GPATCH2: variants seen among roughly 807,000 people sequenced by gnomAD.
GPATCH2 encodes the protein G patch domain-containing protein 2.
Under a neutral mutation model 58.0 loss-of-function variants are expected in GPATCH2, and 51 were observed. The observed-to-expected ratio is 0.88, with a 90% CI of 0.70 to 1.11. GPATCH2 has a LOEUF of 1.11. Ranked by LOEUF, GPATCH2 falls within the 50% of genes most tolerant of loss-of-function variation. GPATCH2 has a pLI of 0.00. For synonymous variants in GPATCH2, 222 were observed against 218.5 expected (o/e 1.02, Z -0.14); for missense variants, 625 against 652.2 (o/e 0.96, Z 0.45).
At chr1:217,470,148 G>A (rs986191552) in intron 8 of GPATCH2, among the ~76,000 whole-genome samples, 5 of 152,150 alleles carry the variant, frequency 3.3e-5, no homozygotes, top group African/African-American at 1.2e-4. Context: ...TTTAATCACA[G>A]GACCAATTTG....
intron 5 of GPATCH2, among the ~76,000 whole-genome samples, chr1:217,565,469 C>T (rs1485883110): frequency 6.6e-6 from 1 of 152,132 alleles, no homozygotes; most frequent in South Asian, 2.1e-4. Flanking sequence ...TTTTATTTCA[C>T]TTATCATAAT....
chr1:217,607,190 A>G (rs370414009), intron 5 of GPATCH2, among the ~76,000 whole-genome samples: 4 of 152,308 alleles, frequency 2.6e-5, no homozygotes, highest in African/African-American at 9.6e-5. Context: ...CAATACTCAC[A>G]ATTTCTGACT....
rs527721242 is a variant in GPATCH2, at chr1:217,487,676, C to T, written c.1277+4004G>A. Among the ~76,000 whole-genome samples, 19 of 152,200 alleles carry T rather than the reference C, an allele frequency of 1.2e-4. No individual in the cohort carries two copies. The Middle Eastern group carries it at 0.01, about 82-fold the overall frequency. On this transcript the variant is annotated intron_variant, in intron 8 of 9. Coordinates refer to ENST00000366935, the MANE Select transcript of GPATCH2 (RefSeq NM_018040.5). ...CCTGACCTCAGGTGTCCGCCCACCTCGGCCTCCCAAAGTGCTGGGATTGCA... is the reference window on the plus strand; with the variant it reads ...CCTGACCTCAGGTGTCCGCCCACCTTGGCCTCCCAAAGTGCTGGGATTGCA...
intron 5 of GPATCH2, among the ~76,000 whole-genome samples, chr1:217,571,433 G>A (rs1354888645): frequency 1.3e-5 from 2 of 151,690 alleles, no homozygotes; most frequent in Non-Finnish European, 2.9e-5. Context: ...AATATAACTT[G>A]TGTTCCCAGA....
At chr1:217,434,925 A>G (rs915827601) in intron 9 of GPATCH2, among the ~76,000 whole-genome samples, 2 of 152,158 alleles carry the variant, frequency 1.3e-5, no homozygotes, top group African/African-American at 4.8e-5. Flanking sequence ...ACATAAAACA[A>G]AGCATTATCT....
At chr1:217,625,201 A>C (rs1480500233) in intron 1 of GPATCH2, among the ~76,000 whole-genome samples, 3 of 152,230 alleles carry the variant, frequency 2.0e-5, no homozygotes, top group African/African-American at 7.2e-5. Flanking sequence ...GATCTATTCT[A>C]ATAAATTCAG....
intron 5 of GPATCH2, among the ~76,000 whole-genome samples, chr1:217,515,815 A>C (rs1224657686): frequency 6.6e-6 from 1 of 151,802 alleles, no homozygotes; most frequent in Non-Finnish European, 1.5e-5. Context: ...AAAAAGTTTA[A>C]TTAGATCAGT....
chr1:217,484,574 A>ATATATATATC (rs1047777960), intron 8 of GPATCH2, among the ~76,000 whole-genome samples: 1 of 146,958 alleles, frequency 6.8e-6, no homozygotes, highest in Non-Finnish European at 1.5e-5. Context: ...ATATATATAT[A>ATATATATATC]TATGATGCAC....
At chr1:217,443,087 A>C (rs1312951049) in intron 9 of GPATCH2, among the ~76,000 whole-genome samples, 1 of 152,190 alleles carries the variant, frequency 6.6e-6, no homozygotes, top group Non-Finnish European at 1.5e-5. Flanking sequence ...AATCATCTAC[A>C]TGGTCACTGT....
intron 5 of GPATCH2, among the ~76,000 whole-genome samples, chr1:217,578,516 A>T (rs1048508211): frequency 6.6e-6 from 1 of 152,154 alleles, no homozygotes; most frequent in African/African-American, 2.4e-5. Flanking sequence ...TATCCTAAAG[A>T]GCTGAGAGTA....
At chr1:217,592,832 A>T (rs1667654363) in intron 5 of GPATCH2, among the ~76,000 whole-genome samples, 1 of 151,820 alleles carries the variant, frequency 6.6e-6, no homozygotes, top group Non-Finnish European at 1.5e-5. Flanking sequence ...ATAAAAGCAG[A>T]CTCCCATTCT....
intron 8 of GPATCH2, among the ~76,000 whole-genome samples, chr1:217,470,524 A>T (rs1360089824): frequency 6.6e-6 from 1 of 152,150 alleles, no homozygotes; most frequent in Non-Finnish European, 1.5e-5. Flanking sequence ...ACCCTCCAAA[A>T]TTCTAAGTGG....
rs1370235930 is a variant in GPATCH2, at chr1:217,524,073, G to A, written c.1099-9184C>T. On this transcript the variant is annotated intron_variant, in intron 5 of 9. Transcript: ENST00000366935. ...CCGGATGGGGCGGCTGGCCAGGCGG[G>A]GGGCTGACCCCCCCACCTCCCTCCC... 4.7e-5 allele frequency among the ~76,000 whole-genome samples: 7 copies of A among 150,300 alleles called. No homozygotes were observed. In the East Asian group the frequency reaches 1.2e-3, roughly 26 times the overall value.
At chr1:217,470,256 GCTAA>G (rs1430543266) in intron 8 of GPATCH2, among the ~76,000 whole-genome samples, 6 of 152,190 alleles carry the variant, frequency 3.9e-5, no homozygotes, top group South Asian at 4.1e-4. Flanking sequence ...GCTTTCACAT[GCTAA>G]CTGTTTTCCA....
chr1:217,490,091 G>A (rs541691617), intron 8 of GPATCH2, among the ~76,000 whole-genome samples: 7 of 152,070 alleles, frequency 4.6e-5, no homozygotes, highest in South Asian at 2.1e-4. Flanking sequence ...AATATTCCTC[G>A]TTTTTGAAAA....
chr1:217,449,638 A>T (rs1659566499), intron 8 of GPATCH2, among the ~76,000 whole-genome samples: 2 of 152,240 alleles, frequency 1.3e-5, no homozygotes, highest in African/African-American at 4.8e-5. Context: ...CTGACAGGAA[A>T]ATAGCTAAGA....
intron 5 of GPATCH2, among the ~76,000 whole-genome samples, chr1:217,565,429 C>T (rs1345690789): frequency 6.6e-6 from 1 of 151,938 alleles, no homozygotes; most frequent in Admixed American, 6.6e-5. Flanking sequence ...TAAGGAAATT[C>T]CTGAAAAGAA....
chr1:217,550,784 A>T (rs1665319190), intron 5 of GPATCH2, among the ~76,000 whole-genome samples: 1 of 151,676 alleles, frequency 6.6e-6, no homozygotes, highest in Non-Finnish European at 1.5e-5. Context: ...AATTTTAATG[A>T]ACAAATATTT....
intron 5 of GPATCH2, among the ~76,000 whole-genome samples, chr1:217,542,261 T>C (rs1348753423): frequency 6.6e-6 from 1 of 152,198 alleles, no homozygotes; most frequent in Non-Finnish European, 1.5e-5. Context: ...AACATCCTGA[T>C]TTTTTCCACA....
Sources: allele counts gnomAD v4.1 joint callset (sites outside exome capture counted in the v4.1 genomes callset), GRCh38; gene constraint gnomAD v4.1.1; transcripts MANE v1.5; gene names NCBI Gene and HGNC (gene_info 2026-07-23, HGNC 2026-07-21).